Variants in UBE2W observed in about 807,000 individuals in gnomAD.
UBE2W encodes ubiquitin conjugating enzyme E2 W, also known as ubiquitin-conjugating enzyme E2 W.
Under a neutral mutation model 27.2 loss-of-function variants are expected in UBE2W, and 18 were observed. That is an observed-to-expected ratio of 0.66 (90% CI 0.46 to 0.98). UBE2W has a LOEUF of 0.98. Among genes scored for constraint, UBE2W ranks in the 50% least tolerant of loss-of-function variants. The probability of loss-of-function intolerance (pLI) is 0.00; values close to 1 mark genes in which losing one functional copy is unlikely to be tolerated. For missense variants in UBE2W, 90 were observed against 180.2 expected (o/e 0.50, Z 2.87); for synonymous variants, 53 against 57.2 (o/e 0.93, Z 0.33).
intron 1 of UBE2W, among the ~76,000 whole-genome samples, chr8:73,832,848 G>A (rs1242465324): frequency 6.6e-6 from 1 of 152,142 alleles, no homozygotes; most frequent in Non-Finnish European, 1.5e-5. Context: ...TGAGTTAAAA[G>A]TGCTTAAAAG....
intron 5 of UBE2W, among the ~76,000 whole-genome samples, chr8:73,799,088 G>A (rs956958093): frequency 5.3e-5 from 8 of 152,132 alleles, no homozygotes; most frequent in Non-Finnish European, 1.0e-4. Context: ...AGGAATTCTG[G>A]AAAACACATT....
At chr8:73,858,788 T>C (rs1811411015) in intron 1 of UBE2W, among the ~76,000 whole-genome samples, 1 of 152,014 alleles carries the variant, frequency 6.6e-6, no homozygotes. Context: ...CTGTCTTAAC[T>C]TTCTGTTACT....
At chr8:73,819,043 C>T (rs1809503815) in intron 3 of UBE2W, among the ~76,000 whole-genome samples, 1 of 152,176 alleles carries the variant, frequency 6.6e-6, no homozygotes, top group Admixed American at 6.5e-5. Context: ...TCCAGGGACC[C>T]GTCCTACATA....
Position 73,830,401 on chromosome 8 carries a change from A to C in UBE2W, c.87T>G (p.Ser29Arg). 6.2e-7 allele frequency: 1 copy of C among 1,613,062 alleles called. No individual in the cohort carries two copies. The highest frequency in any genetic ancestry group is 8.5e-7 in the Non-Finnish European group (1 of 1,179,296). The change falls in exon 2 of 6, where the codon AGT becomes AGG. Residue 29 changes from serine to arginine, a missense_variant. Coordinates refer to ENST00000602593, the MANE Select transcript of UBE2W (RefSeq NM_018299.6). ...PPPGMTLNEK[S>R]VQNSITQWIV... Reference sequence around the variant, plus strand: ...CTTACTGTGTAATTGAATTTTGAACACTCTTCTCATTTAAGGTCATTCCAG... The same window carrying C: ...CTTACTGTGTAATTGAATTTTGAACCCTCTTCTCATTTAAGGTCATTCCAG...
intron 3 of UBE2W, among the ~76,000 whole-genome samples, chr8:73,812,757 C>T (rs1264130291): frequency 6.6e-6 from 1 of 152,082 alleles, no homozygotes; most frequent in Non-Finnish European, 1.5e-5. Context: ...AATCCCAGCA[C>T]TTTGGCAGGC....
At position 73,805,769 on chromosome 8, in the gene UBE2W, C is replaced by T. The variant is rs752965699; in HGVS notation, c.367-43G>A. On this transcript the variant is annotated intron_variant, in intron 4 of 5. Transcript: ENST00000602593. ...TTAAATAGGTTGAAAAACAGAAAAA[C>T]TGAGAGGGTGACAGTTTTAATAAAA... The T allele has an allele frequency of 3.4e-6, 4 of 1,190,430 alleles. 1 individual carries two copies. In the Middle Eastern group the frequency reaches 6.4e-4, roughly 190 times the overall value. 73.7% of individuals were successfully genotyped at this position (1,190,430 alleles called of 1,614,324 possible). A position where few individuals can be genotyped will look rare whatever the true frequency, so the allele number is the denominator to read the frequency against.
chr8:73,847,899 T>C (rs968670829), intron 1 of UBE2W, among the ~76,000 whole-genome samples: 1 of 140,738 alleles, frequency 7.1e-6, no homozygotes, highest in African/African-American at 2.7e-5. Flanking sequence ...TGAAACTCTG[T>C]CTCAAAAAAA....
At chr8:73,832,200 A>G (rs1314238263) in intron 1 of UBE2W, among the ~76,000 whole-genome samples, 1 of 151,682 alleles carries the variant, frequency 6.6e-6, no homozygotes, top group African/African-American at 2.4e-5. Context: ...ACTTCAGAGG[A>G]TAAGGTAGGA....
chr8:73,817,543 G>A (rs543266063), intron 3 of UBE2W, among the ~76,000 whole-genome samples: 2 of 151,948 alleles, frequency 1.3e-5, no homozygotes, highest in Non-Finnish European at 2.9e-5. Flanking sequence ...TTTTGAGATG[G>A]AGTCTCGTTC....
intron 3 of UBE2W, among the ~76,000 whole-genome samples, chr8:73,821,418 C>T (rs188729314): frequency 8.6e-5 from 13 of 151,626 alleles, no homozygotes; most frequent in Admixed American, 7.9e-4. Flanking sequence ...GACTTGAATG[C>T]CAGGCTAAAA....
intron 1 of UBE2W, among the ~76,000 whole-genome samples, chr8:73,878,603 T>A (rs1029987415): frequency 6.6e-6 from 1 of 152,100 alleles, no homozygotes; most frequent in Non-Finnish European, 1.5e-5. Context: ...GGTGTCCGCT[T>A]CGACCGACGG....
chr8:73,796,239 A>G (rs1808414681), intron 5 of UBE2W, among the ~76,000 whole-genome samples: 1 of 152,252 alleles, frequency 6.6e-6, no homozygotes, highest in Non-Finnish European at 1.5e-5. Flanking sequence ...ACTAACACTA[A>G]AACTAATCAT....
intron 1 of UBE2W, among the ~76,000 whole-genome samples, chr8:73,836,872 T>C (rs1038107643): frequency 6.6e-6 from 1 of 152,146 alleles, no homozygotes; most frequent in African/African-American, 2.4e-5. Context: ...CAGATTGAGA[T>C]AACTACAAAA....
intron 3 of UBE2W, among the ~76,000 whole-genome samples, chr8:73,813,109 A>AAAAAAAAG (rs1554580723): frequency 7.7e-5 from 11 of 143,062 alleles, no homozygotes; most frequent in African/African-American, 2.9e-4. Context: ...AAAAAAAAAA[A>AAAAAAAAG]GAACAACTGC....
Position 73,830,375 on chromosome 8 carries a change from A to G in UBE2W, c.107+6T>C, listed in dbSNP as rs1382807988. The G allele has an allele frequency of 1.3e-6, 2 of 1,599,968 alleles. No homozygotes were observed. Among genetic ancestry groups the G allele is most frequent in the Non-Finnish European group, 1.7e-6 (2 of 1,168,642 alleles). The stretch of plus-strand genomic sequence containing the variant: ...ACAAAGAGCCCTTTTAAAATTAAAT[A>G]CTTACTGTGTAATTGAATTTTGAAC... On this transcript the variant is annotated splice_donor_region_variant and intron_variant, in intron 2 of 5. Coordinates refer to ENST00000602593, the MANE Select transcript of UBE2W (RefSeq NM_018299.6).
intron 1 of UBE2W, among the ~76,000 whole-genome samples, chr8:73,873,147 G>A (rs370435056): frequency 4.4e-4 from 67 of 152,244 alleles, no homozygotes; most frequent in African/African-American, 1.6e-3. Context: ...GACCTCAGGT[G>A]ATCCACTCAC....
chr8:73,811,373 A>G (rs559605463), intron 3 of UBE2W, among the ~76,000 whole-genome samples: 15 of 152,126 alleles, frequency 9.9e-5, no homozygotes, highest in Non-Finnish European at 2.2e-4. Context: ...AATTCAACAA[A>G]TATCTTAAAG....
At chr8:73,860,585 C>T (rs987678953) in intron 1 of UBE2W, among the ~76,000 whole-genome samples, 6 of 151,996 alleles carry the variant, frequency 3.9e-5, no homozygotes, top group East Asian at 3.9e-4. Flanking sequence ...AAACATGATA[C>T]GGAGGCACAC....
intron 1 of UBE2W, among the ~76,000 whole-genome samples, chr8:73,838,802 A>G (rs140698906): frequency 0.014 from 2,193 of 152,308 alleles, 63 homozygotes; most frequent in African/African-American, 0.05. Context: ...AGGTTGCTTC[A>G]CATCAAAGGT....
Sources: allele counts gnomAD v4.1 joint callset (sites outside exome capture counted in the v4.1 genomes callset), GRCh38; gene constraint gnomAD v4.1.1; transcripts MANE v1.5; gene names NCBI Gene and HGNC (gene_info 2026-07-23, HGNC 2026-07-21).